Variants in ABI1 observed in about 807,000 individuals in gnomAD.
The protein encoded by ABI1 is Abelson interactor 1.
In ABI1, 14 loss-of-function variants were observed where a neutral mutation model predicts 54.6. That is an observed-to-expected ratio of 0.26 (90% CI 0.17 to 0.40). The LOEUF (loss-of-function observed/expected upper bound fraction) is 0.40, where lower values mean the gene tolerates loss of function less well. Among genes scored for constraint, ABI1 ranks in the 10% least tolerant of loss-of-function variants. The pLI, the probability that ABI1 is intolerant of heterozygous loss-of-function variation, is 1.00. For synonymous variants in ABI1, 194 were observed against 209.3 expected (o/e 0.93, Z 0.63); for missense variants, 443 against 598.3 (o/e 0.74, Z 2.71).
intron 9 of ABI1, among the ~76,000 whole-genome samples, 179 bp from the exon 10 acceptor site, chr10:26,751,962 T>A (rs2132422175): frequency 6.6e-6 from 1 of 152,194 alleles, no homozygotes; most frequent in Middle Eastern, 3.4e-3. Flanking sequence ...CATTTAAAAA[T>A]AACAAAATGA....
At chr10:26,848,084 A>G (rs1269234351) in intron 1 of ABI1, among the ~76,000 whole-genome samples, 2 of 151,754 alleles carry the variant, frequency 1.3e-5, no homozygotes, top group Admixed American at 6.6e-5. Flanking sequence ...CTGTAATTCC[A>G]GCTATTTGGG....
At chr10:26,847,391 G>A (rs574285573) in intron 1 of ABI1, among the ~76,000 whole-genome samples, 9 of 152,222 alleles carry the variant, frequency 5.9e-5, no homozygotes, top group African/African-American at 1.4e-4. Flanking sequence ...GGAGGTCAAG[G>A]TAGGCAGATC....
At chr10:26,789,763 G>C (rs1368894593) in intron 2 of ABI1, among the ~76,000 whole-genome samples, 1 of 152,042 alleles carries the variant, frequency 6.6e-6, no homozygotes, top group South Asian at 2.1e-4. Context: ...GGTTTTTCCT[G>C]GTCCTCTCCC....
chr10:26,824,929 G>A (rs2048213898), intron 1 of ABI1, among the ~76,000 whole-genome samples: 1 of 152,182 alleles, frequency 6.6e-6, no homozygotes, highest in South Asian at 2.1e-4. Flanking sequence ...ATAGTACTAT[G>A]TCTAAAAAAA....
intron 2 of ABI1, among the ~76,000 whole-genome samples, chr10:26,812,221 C>T (rs1209425872): frequency 6.6e-6 from 1 of 152,124 alleles, no homozygotes; most frequent in Non-Finnish European, 1.5e-5. Flanking sequence ...AAGGTAACAT[C>T]CACATTCTCA....
chr10:26,859,304 A>G (rs2051104729), intron 1 of ABI1, among the ~76,000 whole-genome samples: 1 of 152,234 alleles, frequency 6.6e-6, no homozygotes, highest in Non-Finnish European at 1.5e-5. Context: ...TGTTACTAAC[A>G]TGAAAACTGA....
intron 1 of ABI1, among the ~76,000 whole-genome samples, chr10:26,852,005 G>A (rs11015341): frequency 0.26 from 39,058 of 151,884 alleles, 5,726 homozygotes; most frequent in South Asian, 0.44. Flanking sequence ...CATGAGCTGA[G>A]CATGGTGGGA....
intron 3 of ABI1, among the ~76,000 whole-genome samples, chr10:26,774,325 G>A (rs190643598): frequency 3.4e-4 from 52 of 152,190 alleles, no homozygotes; most frequent in African/African-American, 1.2e-3. Context: ...GATACAAAGG[G>A]CCAACTACAT....
intron 1 of ABI1, among the ~76,000 whole-genome samples, chr10:26,851,081 G>A (rs528326880): frequency 1.8e-4 from 28 of 151,872 alleles, no homozygotes; most frequent in African/African-American, 6.0e-4. Flanking sequence ...AAAAGCACAT[G>A]AGAACTAAAA....
At chr10:26,801,228 G>A (rs2046531505) in intron 2 of ABI1, among the ~76,000 whole-genome samples, 1 of 152,094 alleles carries the variant, frequency 6.6e-6, no homozygotes. Flanking sequence ...CGGTGATGCA[G>A]TAAAATGTAT....
At chr10:26,817,548 G>A (rs2047655409) in intron 2 of ABI1, among the ~76,000 whole-genome samples, 2 of 152,168 alleles carry the variant, frequency 1.3e-5, no homozygotes, top group Admixed American at 1.3e-4. Context: ...GAGGTGGGAG[G>A]ATCACTTGCG....
chr10:26,848,508 T>G (rs1248548713), intron 1 of ABI1, among the ~76,000 whole-genome samples: 1 of 151,852 alleles, frequency 6.6e-6, no homozygotes, highest in Admixed American at 6.6e-5. Context: ...CAAATCAGTT[T>G]CAAAATCAGT....
At chr10:26,811,784 TGC>T (rs2047252328) in intron 2 of ABI1, among the ~76,000 whole-genome samples, 1 of 137,254 alleles carries the variant, frequency 7.3e-6, no homozygotes, top group African/African-American at 2.5e-5. Context: ...TATAAATTTA[TGC>T]AAAGATTTGT....
chr10:26,771,151 G>A (rs575424835), intron 3 of ABI1, 62 bp from the exon 4 acceptor site: 60 of 1,543,740 alleles, frequency 3.9e-5, no homozygotes, highest in Middle Eastern at 1.7e-4. Flanking sequence ...AGTTATATCC[G>A]ATAGGACAGG....
intron 2 of ABI1, among the ~76,000 whole-genome samples, chr10:26,782,166 G>T (rs756112650): frequency 6.6e-6 from 1 of 152,092 alleles, no homozygotes; most frequent in African/African-American, 2.4e-5. Context: ...CCACAGTACC[G>T]TGGTCCTTGA....
chr10:26,783,097 T>G (rs181941231), intron 2 of ABI1, among the ~76,000 whole-genome samples: 6 of 152,310 alleles, frequency 3.9e-5, no homozygotes, highest in African/African-American at 1.4e-4. Flanking sequence ...ATGTGATATA[T>G]ACATACAATA....
In ABI1 at chr10:26,860,775, G is replaced by C; in HGVS notation, c.89C>G (p.Ala30Gly). Residue 30 changes from alanine (A) to glycine (G), a missense_variant, in exon 1 of 11, where the codon GCA becomes GGA. Ala to Gly is a moderately conservative substitution (Grantham distance 60). Coordinates refer to ENST00000376140, the MANE Select transcript of ABI1 (RefSeq NM_001012750.3). The surrounding 1 kb of genome is among the most constrained non-coding windows in gnomAD (Gnocchi z 4.1). ...IESYQNLTRV[A>G]DYCENNYIQA... ...TATGTAGTTGTTTTCACAGTAGTCT[G>C]CCACCCGAGTCAGGTTCTGGTAACT... 1.2e-6 allele frequency: 2 copies of C among 1,614,094 alleles called. No individual in the cohort carries two copies. The highest frequency in any genetic ancestry group is 1.7e-5 in the Admixed American group (1 of 60,024).
chr10:26,748,836 A>T (rs868639534), intron 10 of ABI1, 91 bp from the exon 11 acceptor site: 2 of 895,306 alleles, frequency 2.2e-6, no homozygotes, highest in Middle Eastern at 2.2e-4. Flanking sequence ...TATATAGCAC[A>T]GCAAAACTAT....
intron 2 of ABI1, among the ~76,000 whole-genome samples, chr10:26,812,507 GT>G (rs557780232): frequency 9.2e-4 from 140 of 152,280 alleles, no homozygotes; most frequent in African/African-American, 3.0e-3. Flanking sequence ...TCTGGTGAAA[GT>G]TTATATCCAT....
Sources: allele counts gnomAD v4.1 joint callset (sites outside exome capture counted in the v4.1 genomes callset), GRCh38; gene constraint gnomAD v4.1.1; non-coding constraint Gnocchi (gnomAD v3.1); transcripts MANE v1.5; gene names NCBI Gene and HGNC (gene_info 2026-07-23, HGNC 2026-07-21).